MROH1: variants seen among roughly 807,000 people sequenced by gnomAD.
The protein encoded by MROH1 is maestro heat like repeat family member 1.
A neutral mutation model predicts 116.5 loss-of-function variants in MROH1; 117 were observed. That is an observed-to-expected ratio of 1.00 (90% CI 0.86 to 1.17). MROH1 has a LOEUF of 1.17. Among genes scored for constraint, MROH1 ranks in the 50% most tolerant of loss-of-function variants. The pLI is 0.00. For synonymous variants in MROH1, 921 were observed against 583.9 expected (o/e 1.58, Z -8.32); for missense variants, 1,873 against 1,338.5 (o/e 1.40, Z -6.23).
At chr8:144,245,913 G>A (rs920103075) in intron 29 of MROH1, among the ~76,000 whole-genome samples, 3 of 152,180 alleles carry the variant, frequency 2.0e-5, no homozygotes, top group South Asian at 2.1e-4. Flanking sequence ...CTCCTGTCTC[G>A]GCCTCCTAAA....
In MROH1 at chr8:144,190,834, C is replaced by A. The variant is rs747179962; in HGVS notation, c.613C>A (p.Arg205=). ...CCTGGAGTACCTAGCCAACCTGGAC[C>A]GAGCCCCAGACCCCACGGTCAGGAA... is the stretch of plus-strand genomic sequence containing the variant. The part of the protein sequence containing the change: ...GALEYLANLD[R]APDPTVRKDA... The change falls in exon 8 of 44, where the codon CGA becomes AGA. Residue 205 remains arginine (R), a synonymous_variant. Coordinates refer to ENST00000326134, the MANE Select transcript of MROH1 (RefSeq NM_032450.3). 2 of 1,613,794 alleles carry A rather than the reference C, an allele frequency of 1.2e-6. No homozygotes were observed. The highest frequency in any genetic ancestry group is 1.1e-5 in the South Asian group (1 of 91,084).
chr8:144,176,897 G>C (rs1278069074), intron 4 of MROH1, among the ~76,000 whole-genome samples: 5 of 152,136 alleles, frequency 3.3e-5, no homozygotes, highest in Non-Finnish European at 7.3e-5. Flanking sequence ...GAAGCCTTAA[G>C]GGAAAGGGAG....
chr8:144,171,121 C>T (rs111747140), intron 4 of MROH1, among the ~76,000 whole-genome samples: 2 of 152,196 alleles, frequency 1.3e-5, no homozygotes, highest in African/African-American at 2.4e-5. Context: ...ACCTGGAGGT[C>T]GCGTCAGATC....
rs574020556 is a variant in MROH1, at chr8:144,209,425, A to G, written c.1141+8884A>G. 5.3e-5 allele frequency among the ~76,000 whole-genome samples: 8 copies of G among 151,872 alleles called. No homozygotes were observed. The East Asian group carries it at 1.6e-3, about 30-fold the overall frequency. The stretch of plus-strand genomic sequence containing the variant: ...GAAACCCCGTCTCTACAAAAAATAC[A>G]AAAAATTAGCTGGGCGTGGTGGCGG... On this transcript the variant is annotated intron_variant, in intron 12 of 43. Coordinates refer to ENST00000326134, the MANE Select transcript of MROH1 (RefSeq NM_032450.3).
intron 33 of MROH1, chr8:144,251,911 G>A: frequency 5.2e-6 from 1 of 192,134 alleles, no homozygotes; most frequent in Non-Finnish European, 1.1e-5. Context: ...CCTCTGCTTA[G>A]CACAGCAGTG....
At chr8:144,255,809 T>C (rs1286979951) in intron 35 of MROH1, 104 bp downstream of exon 35, 31 of 653,496 alleles carry the variant, frequency 4.7e-5, no homozygotes, top group African/African-American at 4.3e-4. Context: ...CCACGGGGAG[T>C]GTGGGAGTGA....
intron 4 of MROH1, among the ~76,000 whole-genome samples, chr8:144,170,683 T>C (rs181576193): frequency 1.3e-5 from 2 of 152,374 alleles, no homozygotes; most frequent in Non-Finnish European, 2.9e-5. Flanking sequence ...CTCCTGGAGC[T>C]TTACAGGTTT....
At chr8:144,160,912 G>A (rs1165378484) in intron 1 of MROH1, 58 bp from the exon 2 acceptor site, 3 of 152,710 alleles carry the variant, frequency 2.0e-5, no homozygotes, top group African/African-American at 7.2e-5. Context: ...GTGCCCCTGG[G>A]AAGGATTGCT....
In MROH1 at chr8:144,243,493, G is replaced by A; in HGVS notation, c.2353-1G>A. ...TCTCCTGTAGCCCTGCGTCCCTGCA[G>A]GACCCAGCCCTGAAGCTGTGCCTTG... On this transcript the variant is annotated splice_acceptor_variant, in intron 24 of 43. Coordinates refer to ENST00000326134, the MANE Select transcript of MROH1 (RefSeq NM_032450.3). LOFTEE classifies it high-confidence loss of function. 2 of 779,462 alleles carry A rather than the reference G, an allele frequency of 2.6e-6. No individual in the cohort carries two copies. Among genetic ancestry groups the A allele is most frequent in the Non-Finnish European group, 4.8e-6 (2 of 417,806 alleles). 48.3% of individuals were successfully genotyped at this position (779,462 alleles called of 1,614,324 possible). A position where few individuals can be genotyped will look rare whatever the true frequency, so the allele number is the denominator to read the frequency against.
Position 144,238,804 on chromosome 8 carries a change from C to A in MROH1, c.1387C>A (p.Arg463=). 1 of 774,784 alleles carries A rather than the reference C, an allele frequency of 1.3e-6. No individual in the cohort carries two copies. Among genetic ancestry groups the A allele is most frequent in the Non-Finnish European group, 2.4e-6 (1 of 417,718 alleles). 48.0% of individuals were successfully genotyped at this position (774,784 alleles called of 1,614,324 possible). ...GSKDPKADSV[R]AISVRTLYLV... is the part of the protein sequence containing the mutation. Reference sequence around the variant, plus strand: ...CAAGGACCCCAAGGCCGACAGCGTGCGGGCCATCAGCGTGCGCACCCTCTA... The same window carrying A: ...CAAGGACCCCAAGGCCGACAGCGTGAGGGCCATCAGCGTGCGCACCCTCTA... Residue 463 remains arginine (R), a synonymous_variant, in exon 15 of 44, where the codon CGG becomes AGG. Transcript: ENST00000326134.
intron 4 of MROH1, 56 bp downstream of exon 4, chr8:144,168,496 T>C (rs965959099): frequency 1.2e-5 from 19 of 1,546,786 alleles, no homozygotes; most frequent in Admixed American, 1.9e-5. Context: ...GGTTGGGGCT[T>C]ACTTGGTTTG....
rs1231456986 is a variant in MROH1 at position 144,235,568 on chromosome 8, A to T, written c.1339-3188A>T. ...TTGTTATGAAGAAGTACTAGATTTG[A>T]TGTGCTGTTTACTGTGTCTAAGATG... On this transcript the variant is annotated intron_variant, in intron 14 of 43. Coordinates refer to ENST00000326134, the MANE Select transcript of MROH1 (RefSeq NM_032450.3). Among the ~76,000 whole-genome samples the T allele has an allele frequency of 2.0e-5, 3 of 152,096 alleles. No individual in the cohort carries two copies. The East Asian group carries it at 5.8e-4, about 29-fold the overall frequency.
chr8:144,224,040 G>A (rs1017791024), intron 14 of MROH1, among the ~76,000 whole-genome samples: 1 of 152,186 alleles, frequency 6.6e-6, no homozygotes, highest in Non-Finnish European at 1.5e-5. Flanking sequence ...CAGGTGGGCC[G>A]CCACCAGCTC....
At chr8:144,152,625 G>GA in intron 1 of MROH1, among the ~76,000 whole-genome samples, 1 of 150,342 alleles carries the variant, frequency 6.7e-6, no homozygotes, top group East Asian at 2.0e-4. Context: ...CGGCTCACTG[G>GA]AAGCTCCGCC....
At chr8:144,255,764 G>C in intron 35 of MROH1, 59 bp downstream of exon 35, 1 of 704,658 alleles carries the variant, frequency 1.4e-6, no homozygotes. Flanking sequence ...GCATGCGTGT[G>C]CACGCGCGTG....
In MROH1 at chr8:144,261,104, C is replaced by T; in HGVS notation, c.4672-10C>T. 1 of 775,534 alleles carries T rather than the reference C, an allele frequency of 1.3e-6. No individual in the cohort carries two copies. Among genetic ancestry groups the T allele is most frequent in the Non-Finnish European group, 2.4e-6 (1 of 417,646 alleles). 48.0% of individuals were successfully genotyped at this position (775,534 alleles called of 1,614,324 possible). On this transcript the variant is annotated splice_polypyrimidine_tract_variant and intron_variant, in intron 41 of 43. Coordinates refer to ENST00000326134, the MANE Select transcript of MROH1 (RefSeq NM_032450.3). ...CGGGGCCAGGCGGCACTGACCAGGC[C>T]TCTCCCCAGATGCACCATTTCCCAG...
chr8:144,158,119 A>G (rs1012535473), intron 1 of MROH1, among the ~76,000 whole-genome samples: 118 of 150,226 alleles, frequency 7.9e-4, no homozygotes, highest in Non-Finnish European at 8.9e-4. Context: ...CAGCCTCCCA[A>G]GTAGCTGGGA....
At chr8:144,257,323 G>A in intron 35 of MROH1, among the ~76,000 whole-genome samples, 1 of 152,198 alleles carries the variant, frequency 6.6e-6, no homozygotes, top group East Asian at 1.9e-4. Flanking sequence ...AGGGCTGTGT[G>A]AGGGGCTGGC....
chr8:144,211,809 T>C (rs1834161592), intron 12 of MROH1, among the ~76,000 whole-genome samples: 3 of 152,124 alleles, frequency 2.0e-5, no homozygotes, highest in South Asian at 2.1e-4. Context: ...AGGTAGTGGA[T>C]TGGTTTCCTA....
Sources: allele counts gnomAD v4.1 joint callset (sites outside exome capture counted in the v4.1 genomes callset), GRCh38; gene constraint gnomAD v4.1.1; transcripts MANE v1.5; gene names NCBI Gene and HGNC (gene_info 2026-07-23, HGNC 2026-07-21).